HSD17B11: variants seen among roughly 807,000 people sequenced by gnomAD.
The protein encoded by HSD17B11 is estradiol 17-beta-dehydrogenase 11.
HSD17B11 carries 22 observed loss-of-function variants against 27.8 expected under a neutral mutation model. The observed-to-expected ratio is 0.79, with a 90% CI of 0.56 to 1.13. The LOEUF (loss-of-function observed/expected upper bound fraction) is 1.13, where lower values mean the gene tolerates loss of function less well. HSD17B11 is among the 50% of genes most tolerant of loss of function. The probability of loss-of-function intolerance (pLI) is 0.00; values close to 1 mark genes in which losing one functional copy is unlikely to be tolerated. For missense variants in HSD17B11, 314 were observed against 351.1 expected (o/e 0.89, Z 0.84); for synonymous variants, 117 against 132.8 (o/e 0.88, Z 0.82).
chr4:87,358,391 A>G (rs1735433010), intron 4 of HSD17B11, among the ~76,000 whole-genome samples: 2 of 152,322 alleles, frequency 1.3e-5, no homozygotes, highest in African/African-American at 4.8e-5. Flanking sequence ...TATTTGTCAA[A>G]TGAATGAATC....
rs148335949 is a variant in HSD17B11 at position 87,383,313 on chromosome 4, G to A, written c.211-951C>T. On this transcript the variant is annotated intron_variant, in intron 1 of 6. Transcript: ENST00000358290. ...AATTATAGTGTCAGGTTTATGTGTC[G>A]TATTGATTATTTTGGCTGATGTATG... Among the ~76,000 whole-genome samples the A allele has an allele frequency of 2.2e-3, 334 of 152,228 alleles. 1 individual carries two copies. The highest frequency in any genetic ancestry group is 6.8e-3 in the Middle Eastern group (2 of 294).
At chr4:87,389,099 C>CGA (rs1196479861) in intron 1 of HSD17B11, among the ~76,000 whole-genome samples, 1 of 152,130 alleles carries the variant, frequency 6.6e-6, no homozygotes, top group Non-Finnish European at 1.5e-5. Context: ...AATCAGAAAA[C>CGA]GAAAGCTCAG....
At chr4:87,343,103 C>T (rs558443199) in intron 5 of HSD17B11, among the ~76,000 whole-genome samples, 15 of 152,304 alleles carry the variant, frequency 9.8e-5, no homozygotes, top group African/African-American at 3.6e-4. Flanking sequence ...ACCTATCAAG[C>T]GGTGCTGCAT....
At chr4:87,375,326 G>GT (rs1735799057) in intron 2 of HSD17B11, among the ~76,000 whole-genome samples, 2 of 152,208 alleles carry the variant, frequency 1.3e-5, no homozygotes, top group Non-Finnish European at 2.9e-5. Flanking sequence ...ATCTTCAAGT[G>GT]TATCAGGTGG....
chr4:87,352,975 C>T (rs9307032), intron 5 of HSD17B11, among the ~76,000 whole-genome samples: 4 of 102,270 alleles, frequency 3.9e-5, no homozygotes, highest in South Asian at 2.9e-4. Flanking sequence ...CGCCCTGCTT[C>T]GGCTCGCGCA....
chr4:87,358,727 C>T (rs1735439890), intron 4 of HSD17B11, among the ~76,000 whole-genome samples: 1 of 152,012 alleles, frequency 6.6e-6, no homozygotes, highest in Non-Finnish European at 1.5e-5. Flanking sequence ...CACAAAGTAG[C>T]TATACATTCT....
At chr4:87,346,407 G>T (rs1560759012) in intron 5 of HSD17B11, among the ~76,000 whole-genome samples, 2 of 152,192 alleles carry the variant, frequency 1.3e-5, no homozygotes, top group African/African-American at 4.8e-5. Context: ...CCAACACTTT[G>T]GGAGGCCGAG....
chr4:87,375,194 C>T (rs549693898), intron 2 of HSD17B11, among the ~76,000 whole-genome samples: 28 of 152,238 alleles, frequency 1.8e-4, no homozygotes, highest in African/African-American at 6.5e-4. Context: ...TCACTGTTCC[C>T]GTCTTGTACG....
At chr4:87,366,904 A>T (rs1311100939) in intron 4 of HSD17B11, among the ~76,000 whole-genome samples, 1 of 152,052 alleles carries the variant, frequency 6.6e-6, no homozygotes, top group Non-Finnish European at 1.5e-5. Context: ...AACTGAATTA[A>T]CTGAACCAAT....
In HSD17B11 at chr4:87,378,960, ATT is replaced by A. The variant is rs781211835; in HGVS notation, c.318+3293_318+3294del. On this transcript the variant is annotated intron_variant, in intron 2 of 6. Coordinates refer to ENST00000358290, the MANE Select transcript of HSD17B11 (RefSeq NM_016245.5). ...TATATATATATATTTATATATATATATTTTTTTTTTTTTTTGAGATGGTGTCT... is the reference window on the plus strand; with the variant it reads ...TATATATATATATTTATATATATATATTTTTTTTTTTTTGAGATGGTGTCT... Among the ~76,000 whole-genome samples the A allele has an allele frequency of 3.6e-3, 93 of 25,586 alleles. 4 individuals carry two copies. Among genetic ancestry groups the A allele is most frequent in the East Asian group, 0.012 (23 of 1,932 alleles). The allele number at this position is 25,586 out of a possible 152,430, so 16.8% of individuals were successfully genotyped here.
At chr4:87,361,501 C>T (rs568326365) in intron 4 of HSD17B11, among the ~76,000 whole-genome samples, 85 of 152,314 alleles carry the variant, frequency 5.6e-4, no homozygotes, top group African/African-American at 2.0e-3. Context: ...GGCATGGTGG[C>T]TCATGCCTGT....
rs1345296414 is a variant in HSD17B11, at chr4:87,357,350, T to A, written c.624A>T (p.Ile208=). 2.5e-5 allele frequency: 41 copies of A among 1,613,772 alleles called. No homozygotes were observed. The highest frequency in any genetic ancestry group is 3.3e-5 in the Non-Finnish European group (39 of 1,179,930). The change falls in exon 5 of 7, where the codon ATA becomes ATT. Residue 208 remains isoleucine, a synonymous_variant. Transcript: ENST00000358290. ...ACAGACATGTTGTTTTGACTCCAGT[T>A]ATTTGTAAGGCAGCCAGTTCATCTG... ...TLTDELAALQ[I]TGVKTTCLCP... is the part of the protein sequence containing the mutation.
rs34342374 is a variant in HSD17B11, at chr4:87,364,270, G to GAA, written c.558-6856_558-6855dup. ...GGCAGCACCACAGATCCAGTTTTGG[G>GAA]AAAAAAAAAAAAAAAAGAAAAAAAA... On this transcript the variant is annotated intron_variant, in intron 4 of 6. Coordinates refer to ENST00000358290, the MANE Select transcript of HSD17B11 (RefSeq NM_016245.5). Among the ~76,000 whole-genome samples the GAA allele has an allele frequency of 1.2e-4, 15 of 121,428 alleles. No individual in the cohort carries two copies. In the East Asian group the frequency reaches 1.3e-3, roughly 11 times the overall value. The allele number at this position is 121,428 out of a possible 152,430, so 79.7% of individuals were successfully genotyped here.
At chr4:87,354,288 A>C (rs1382985013) in intron 5 of HSD17B11, among the ~76,000 whole-genome samples, 1 of 151,836 alleles carries the variant, frequency 6.6e-6, no homozygotes, top group Non-Finnish European at 1.5e-5. Flanking sequence ...AATATGATGA[A>C]ACTCCGTCTC....
intron 6 of HSD17B11, among the ~76,000 whole-genome samples, chr4:87,338,481 A>G (rs906278919): frequency 6.6e-6 from 1 of 152,250 alleles, no homozygotes; most frequent in African/African-American, 2.4e-5. Context: ...AGTAGTTATA[A>G]TAACAGTGGC....
intron 2 of HSD17B11, among the ~76,000 whole-genome samples, chr4:87,378,958 ATATTTT>A (rs1720051043): frequency 1.5e-4 from 4 of 27,122 alleles, no homozygotes; most frequent in South Asian, 5.8e-4. Context: ...TTATATATAT[ATATTTT>A]TTTTTTTTTT....
rs760559491 is a variant in HSD17B11, at chr4:87,372,668, G to T, written c.557+41C>A. On this transcript the variant is annotated intron_variant, in intron 4 of 6. Transcript: ENST00000358290. ...CAGGGTAAGAAATCTCACACACAAG[G>T]TAGGCATAAGAACCAATGAAGGAAA... is the stretch of plus-strand genomic sequence containing the variant. 3.4e-6 allele frequency: 4 copies of T among 1,174,782 alleles called. No homozygotes were observed. The Admixed American group carries it at 6.9e-5, about 20-fold the overall frequency. The allele number at this position is 1,174,782 out of a possible 1,614,324, so 72.8% of individuals were successfully genotyped here.
intron 3 of HSD17B11, among the ~76,000 whole-genome samples, chr4:87,373,963 C>T (rs910905220): frequency 6.6e-6 from 1 of 152,132 alleles, no homozygotes; most frequent in Admixed American, 6.6e-5. Flanking sequence ...AACTTAAGAC[C>T]TTCAATGGTG....
intron 4 of HSD17B11, among the ~76,000 whole-genome samples, chr4:87,359,899 CA>C (rs1273182450): frequency 2.0e-5 from 3 of 152,082 alleles, no homozygotes; most frequent in Non-Finnish European, 4.4e-5. Flanking sequence ...ACTGGTAAAG[CA>C]TTTGCAACAT....
Sources: gnomAD v4.1 joint callset for allele counts (sites outside exome capture counted in the v4.1 genomes callset) on GRCh38, gnomAD v4.1.1 for gene constraint, MANE v1.5 for transcripts, NCBI Gene and HGNC (gene_info 2026-07-23, HGNC 2026-07-21) for gene names.